The following P2RY2 variants were observed in gnomAD, a reference collection of about 807,000 sequenced individuals.
P2RY2 encodes the protein P2Y purinoceptor 2.
For synonymous variants in P2RY2, 241 were observed against 231.9 expected, an observed-to-expected ratio of 1.04 and a Z score of -0.35; for missense variants, 567 against 515.7, an observed-to-expected ratio of 1.10 and a Z score of -0.96.
rs887267760 is a variant in P2RY2 at position 73,242,208 on chromosome 11, T to C, written c.*6915T>C. ...TCAGATTTATGTCCTGGAACCAAAT[T>C]CCAAATCAGCAGCCACATGAAAAGT... On this transcript the variant is annotated 3_prime_UTR_variant, in exon 3 of 3. Coordinates refer to ENST00000393597, the MANE Select transcript of P2RY2 (RefSeq NM_002564.4). 2.6e-5 allele frequency: 4 copies of C among 152,160 alleles called. No individual in the cohort carries two copies. The highest frequency in any genetic ancestry group is 5.9e-5 in the Non-Finnish European group (4 of 68,032). 9.4% of individuals were successfully genotyped at this position (152,160 alleles called of 1,614,324 possible).
At chr11:73,221,692 T>C (rs774393740) in intron 1 of P2RY2, among the ~76,000 whole-genome samples, 10 of 152,186 alleles carry the variant, frequency 6.6e-5, no homozygotes, top group African/African-American at 9.7e-5. Flanking sequence ...CTCCTCTTGG[T>C]TGTCCTTGGG....
rs1862720962 is a variant in P2RY2, at chr11:73,239,058, T to C, written c.*3765T>C. On this transcript the variant is annotated 3_prime_UTR_variant, in exon 3 of 3. Coordinates refer to ENST00000393597, the MANE Select transcript of P2RY2 (RefSeq NM_002564.4). ...GGCGTTGAGGGGCTTCCCTACGTTA[T>C]TACGCACAAAGTCCTCCTCACAGTG... 6.6e-6 allele frequency: 1 copy of C among 152,290 alleles called. No individual in the cohort carries two copies. The highest frequency in any genetic ancestry group is 1.5e-5 in the Non-Finnish European group (1 of 68,052). 9.4% of individuals were successfully genotyped at this position (152,290 alleles called of 1,614,324 possible).
rs921539368 is a variant in P2RY2, at chr11:73,237,210, T to C, written c.*1917T>C. 1.0e-5 allele frequency: 7 copies of C among 678,692 alleles called. No individual in the cohort carries two copies. Among genetic ancestry groups the C allele is most frequent in the Non-Finnish European group, 1.3e-5 (7 of 549,996 alleles). The allele number at this position is 678,692 out of a possible 1,614,324, so 42.0% of individuals were successfully genotyped here. A position where few individuals can be genotyped will look rare whatever the true frequency, so the allele number is the denominator to read the frequency against. The stretch of plus-strand genomic sequence containing the variant: ...AGCTATTCACCTCTCACCTTCTAGG[T>C]TCTATACTTCTGTTAATGTAGCCGA... On this transcript the variant is annotated 3_prime_UTR_variant, in exon 3 of 3. Transcript: ENST00000393597.
In P2RY2 at chr11:73,234,711, C is replaced by A. The variant is rs35545480; in HGVS notation, c.552C>A (p.His184Gln). The A allele has an allele frequency of 1.6e-5, 25 of 1,607,414 alleles. No individual in the cohort carries two copies. The highest frequency in any genetic ancestry group is 2.0e-5 in the Non-Finnish European group (24 of 1,178,748). Residue 184 changes from histidine to glutamine, a missense_variant, in exon 3 of 3, where the codon CAC becomes CAA. Coordinates refer to ENST00000393597, the MANE Select transcript of P2RY2 (RefSeq NM_002564.4). ...CGCGCGGGGGCCGCGTAACCTGCCA[C>A]GACACCTCGGCACCCGAGCTCTTCA... Reference protein sequence around the residue: ...TSARGGRVTCHDTSAPELFSR... With the variant: ...TSARGGRVTCQDTSAPELFSR...
rs779296583 is a variant in P2RY2, at chr11:73,235,196, T to C, written c.1037T>C (p.Met346Thr). Reference sequence around the variant, plus strand: ...CTGCGCAGATCCGACAGAACTGACATGCAGAGGATAGAAGATGTGTTGGGC... The same window carrying C: ...CTGCGCAGATCCGACAGAACTGACACGCAGAGGATAGAAGATGTGTTGGGC... Reference protein sequence around the residue: ...LGLRRSDRTDMQRIEDVLGSS... With the variant: ...LGLRRSDRTDTQRIEDVLGSS... The change falls in exon 3 of 3, where the codon ATG (methionine) becomes ACG (threonine). Residue 346 changes from methionine to threonine, a missense_variant. Met to Thr is a moderately conservative substitution (Grantham distance 81). Transcript: ENST00000393597. 1.3e-5 allele frequency: 21 copies of C among 1,612,474 alleles called. 1 individual carries two copies. Among genetic ancestry groups the C allele is most frequent in the East Asian group, 8.9e-5 (4 of 44,894 alleles).
chr11:73,219,798 C>T (rs557417832), intron 1 of P2RY2, among the ~76,000 whole-genome samples: 5 of 152,216 alleles, frequency 3.3e-5, no homozygotes, highest in Non-Finnish European at 7.3e-5. Context: ...CTGATAAGCC[C>T]TCCTACTCTC....
intron 2 of P2RY2, among the ~76,000 whole-genome samples, chr11:73,231,749 T>G (rs1296967154): frequency 6.6e-6 from 1 of 151,758 alleles, no homozygotes; most frequent in African/African-American, 2.4e-5. Context: ...AACTCCAGGA[T>G]CTAAAATAAA....
At chr11:73,231,591 G>A (rs1345657511) in intron 2 of P2RY2, among the ~76,000 whole-genome samples, 1 of 151,538 alleles carries the variant, frequency 6.6e-6, no homozygotes, top group Non-Finnish European at 1.5e-5. Flanking sequence ...AAAAAAGAAG[G>A]GAAATTGAAG....
At chr11:73,225,773 C>T (rs187568411) in intron 1 of P2RY2, among the ~76,000 whole-genome samples, 12 of 152,156 alleles carry the variant, frequency 7.9e-5, no homozygotes, top group Non-Finnish European at 1.3e-4. Context: ...TAAGGGAGGC[C>T]GTCTCTGAGC....
Position 73,234,418 on chromosome 11 carries a change from C to G in P2RY2, c.259C>G (p.Pro87Ala). The change falls in exon 3 of 3, where the codon CCG becomes GCG. Residue 87 changes from proline (P) to alanine (A), a missense_variant. Pro to Ala is a conservative substitution (Grantham distance 27, BLOSUM62 -1). Coordinates refer to ENST00000393597, the MANE Select transcript of P2RY2 (RefSeq NM_002564.4). ...VSDALYAASL[P>A]LLVYYYARGD... ...TGATGCACTGTATGCGGCCTCCCTG[C>G]CGCTGCTGGTCTATTACTACGCCCG... 6.2e-7 allele frequency: 1 copy of G among 1,614,206 alleles called. No individual in the cohort carries two copies. The highest frequency in any genetic ancestry group is 8.5e-7 in the Non-Finnish European group (1 of 1,180,026).
chr11:73,234,603 C>G lies in P2RY2; in HGVS notation c.444C>G (p.Arg148=). The change falls in exon 3 of 3, where the codon CGC becomes CGG. Residue 148 remains arginine, a synonymous_variant. Coordinates refer to ENST00000393597, the MANE Select transcript of P2RY2 (RefSeq NM_002564.4). ...GCTCCCTGCGCTGGGGCCGGGCCCG[C>G]TACGCTCGCCGGGTGGCCGGGGCCG... ...PLRSLRWGRA[R]YARRVAGAVW... The G allele has an allele frequency of 6.4e-7, 1 of 1,566,816 alleles. No homozygotes were observed. The highest frequency in any genetic ancestry group is 8.7e-7 in the Non-Finnish European group (1 of 1,155,634).
chr11:73,233,061 A>T (rs1862506233), intron 2 of P2RY2, among the ~76,000 whole-genome samples: 1 of 151,894 alleles, frequency 6.6e-6, no homozygotes, highest in African/African-American at 2.4e-5. Context: ...GTTGGGGGGG[A>T]CACCATGATA....
Position 73,242,047 on chromosome 11 carries a change from T to C in P2RY2, c.*6754T>C, listed in dbSNP as rs1370911790. 1 of 152,114 alleles carries C rather than the reference T, an allele frequency of 6.6e-6. No individual in the cohort carries two copies. Among genetic ancestry groups the C allele is most frequent in the Non-Finnish European group, 1.5e-5 (1 of 68,030 alleles). 9.4% of individuals were successfully genotyped at this position (152,114 alleles called of 1,614,324 possible). Reference sequence around the variant, plus strand: ...TCACAGTGGCAAAGATGTCTTTGAATCCATGGTGCCCAGGGTTCAGCGTGT... The same window carrying C: ...TCACAGTGGCAAAGATGTCTTTGAACCCATGGTGCCCAGGGTTCAGCGTGT... On this transcript the variant is annotated 3_prime_UTR_variant, in exon 3 of 3. Transcript: ENST00000393597.
chr11:73,228,182 GGGGT>G lies in P2RY2; in HGVS notation c.-5+11_-5+14del, dbSNP rs1862337468. On this transcript the variant is annotated splice_region_variant and intron_variant, in intron 2 of 2. Transcript: ENST00000393597. ...GAGAGCAGGGGCTGGTCAGGTACGT[GGGGT>G]GGGGGTGGGGGGGAGCGGGTACGCT... is the stretch of plus-strand genomic sequence containing the variant. The G allele has an allele frequency of 2.5e-5, 3 of 120,804 alleles. No individual in the cohort carries two copies. The highest frequency in any genetic ancestry group is 1.0e-4 in the African/African-American group (3 of 29,708). 7.5% of individuals were successfully genotyped at this position (120,804 alleles called of 1,614,324 possible).
At chr11:73,225,664 A>AGCTTTGTGAGCTATGAGGTT (rs777327318) in intron 1 of P2RY2, among the ~76,000 whole-genome samples, 1 of 152,014 alleles carries the variant, frequency 6.6e-6, no homozygotes, top group African/African-American at 2.4e-5. Context: ...GCCGTTTGCT[A>AGCTTTGTGAGCTATGAGGTT]ATTCAGGATT....
intron 1 of P2RY2, among the ~76,000 whole-genome samples, chr11:73,220,539 T>C (rs1211523394): frequency 1.3e-5 from 2 of 152,202 alleles, no homozygotes; most frequent in Non-Finnish European, 2.9e-5. Context: ...GGACCTGCAA[T>C]TGATCTCATC....
At chr11:73,225,892 G>A (rs1862263657) in intron 1 of P2RY2, among the ~76,000 whole-genome samples, 1 of 152,218 alleles carries the variant, frequency 6.6e-6, no homozygotes, top group African/African-American at 2.4e-5. Context: ...ATCAGCCAGG[G>A]CCTGAGTGCC....
chr11:73,237,841 GA>G lies in P2RY2; in HGVS notation c.*2549del, dbSNP rs879804488. ...CTCATGCTATTTTCAGCCCAAGTAAGACCATAATTTTCCACTCCTGGCCCCA... is the reference window on the plus strand; with the variant it reads ...CTCATGCTATTTTCAGCCCAAGTAAGCCATAATTTTCCACTCCTGGCCCCA... On this transcript the variant is annotated 3_prime_UTR_variant, in exon 3 of 3. Coordinates refer to ENST00000393597, the MANE Select transcript of P2RY2 (RefSeq NM_002564.4). 2.0e-5 allele frequency among the ~76,000 whole-genome samples: 3 copies of G among 152,200 alleles called. No homozygotes were observed. Among genetic ancestry groups the G allele is most frequent in the Non-Finnish European group, 4.4e-5 (3 of 68,042 alleles).
intron 1 of P2RY2, among the ~76,000 whole-genome samples, chr11:73,221,034 C>T (rs563567196): frequency 2.6e-5 from 4 of 152,184 alleles, no homozygotes; most frequent in South Asian, 2.1e-4. Flanking sequence ...AGAGTTGCTA[C>T]GAGGATTAAG....
Sources: gnomAD v4.1 joint callset for allele counts (sites outside exome capture counted in the v4.1 genomes callset) on GRCh38, gnomAD v4.1.1 for gene constraint, MANE v1.5 for transcripts, NCBI Gene and HGNC (gene_info 2026-07-23, HGNC 2026-07-21) for gene names.